The following ETF1 variants were observed in gnomAD, a reference collection of about 807,000 sequenced individuals.
The protein encoded by ETF1 is eukaryotic translation termination factor 1.
In ETF1, 4 loss-of-function variants were observed where a neutral mutation model predicts 55.1. The ratio of observed to expected loss-of-function variants is 0.07; its 90% CI spans 0.04 to 0.17. The LOEUF is 0.17. Ranked by LOEUF, ETF1 falls within the 10% of genes least tolerant of loss-of-function variation. The pLI, the probability that ETF1 is intolerant of heterozygous loss-of-function variation, is 1.00. For missense variants in ETF1, 142 were observed against 523.6 expected (o/e 0.27, Z 7.11); for synonymous variants, 157 against 182.3 (o/e 0.86, Z 1.12).
At chr5:138,513,052 G>T in intron 5 of ETF1, 98 bp from the exon 6 acceptor site, 1 of 1,401,876 alleles carries the variant, frequency 7.1e-7, no homozygotes. Flanking sequence ...TCTAAGAAAA[G>T]GACAAAGAAA....
chr5:138,508,902 A>G, intron 9 of ETF1, 86 bp from the exon 10 acceptor site: 1 of 1,527,566 alleles, frequency 6.5e-7, no homozygotes, highest in Admixed American at 2.0e-5. Context: ...TTGCCCACCT[A>G]TCACTCTCAT....
chr5:138,527,854 C>T (rs955222403), intron 2 of ETF1, among the ~76,000 whole-genome samples: 1 of 152,012 alleles, frequency 6.6e-6, no homozygotes, highest in South Asian at 2.1e-4. Flanking sequence ...CTCACTGCAA[C>T]CTCCGCCTCC....
chr5:138,533,804 C>T (rs2127122928), intron 2 of ETF1, among the ~76,000 whole-genome samples: 1 of 152,326 alleles, frequency 6.6e-6, no homozygotes, highest in South Asian at 2.1e-4. Context: ...AACCATCATA[C>T]TATATTAGGC....
chr5:138,515,096 T>C (rs1055546513), intron 4 of ETF1, among the ~76,000 whole-genome samples: 15 of 152,190 alleles, frequency 9.9e-5, no homozygotes, highest in African/African-American at 3.6e-4. Context: ...CAACTAAGAA[T>C]CCATCTTTAA....
At chr5:138,509,063 C>T in intron 9 of ETF1, 1 of 985,304 alleles carries the variant, frequency 1.0e-6, no homozygotes, top group Non-Finnish European at 1.2e-6. Flanking sequence ...AACACAAAAA[C>T]TCAGTGGGTA....
intron 2 of ETF1, among the ~76,000 whole-genome samples, chr5:138,527,056 C>G (rs1477408058): frequency 6.6e-6 from 1 of 152,104 alleles, no homozygotes; most frequent in Non-Finnish European, 1.5e-5. Flanking sequence ...TCGGGCTGGT[C>G]TGGAACTCCT....
intron 6 of ETF1, among the ~76,000 whole-genome samples, chr5:138,512,258 ATTTTTTT>A (rs58936942): frequency 0.047 from 937 of 19,868 alleles, 42 homozygotes; most frequent in Middle Eastern, 0.11. Context: ...ATATATATAT[ATTTTTTT>A]TTTTTTTTAA....
At chr5:138,527,815 C>T (rs1263365251) in intron 2 of ETF1, among the ~76,000 whole-genome samples, 1 of 151,966 alleles carries the variant, frequency 6.6e-6, no homozygotes, top group Non-Finnish European at 1.5e-5. Flanking sequence ...TTTTGTTCCC[C>T]AGGCAGGAGT....
Position 138,535,276 on chromosome 5 carries a change from A to C in ETF1, c.86+7557T>G, listed in dbSNP as rs568622777. Among the ~76,000 whole-genome samples, 141 of 152,102 alleles carry C rather than the reference A, an allele frequency of 9.3e-4. 1 individual carries two copies. The highest frequency in any genetic ancestry group is 3.3e-3 in the African/African-American group (137 of 41,536). ...ATGTTACCTTTTTTAAAGAAGAAGAAGAAAGCATTAGTTCCCCCATGAAGC... is the reference window on the plus strand; with the variant it reads ...ATGTTACCTTTTTTAAAGAAGAAGACGAAAGCATTAGTTCCCCCATGAAGC... On this transcript the variant is annotated intron_variant, in intron 2 of 10. Transcript: ENST00000360541.
intron 2 of ETF1, among the ~76,000 whole-genome samples, chr5:138,527,645 T>TCA (rs370575525): frequency 3.8e-4 from 58 of 152,260 alleles, no homozygotes; most frequent in African/African-American, 1.3e-3. Context: ...AGGGGTCCAC[T>TCA]CATGCACAGG....
intron 2 of ETF1, among the ~76,000 whole-genome samples, chr5:138,522,151 CAAAA>C (rs1281882459): frequency 6.6e-6 from 1 of 151,330 alleles, no homozygotes; most frequent in Non-Finnish European, 1.5e-5. Flanking sequence ...CTTTCATTCT[CAAAA>C]AAACCCAAAA....
chr5:138,508,947 C>G, intron 9 of ETF1, 131 bp from the exon 10 acceptor site: 1 of 1,447,676 alleles, frequency 6.9e-7, no homozygotes, highest in Non-Finnish European at 9.1e-7. Flanking sequence ...GTGTAAAGCT[C>G]TGTAAGTCAT....
intron 2 of ETF1, among the ~76,000 whole-genome samples, chr5:138,526,090 G>C (rs552235069): frequency 7.9e-5 from 12 of 152,104 alleles, no homozygotes; most frequent in Admixed American, 5.9e-4. Context: ...TAATATTGTA[G>C]TTAGACTGCC....
chr5:138,507,452 T>C lies in ETF1; in HGVS notation c.*853A>G, dbSNP rs1480810529. 6.6e-6 allele frequency: 1 copy of C among 152,626 alleles called. No homozygotes were observed. Among genetic ancestry groups the C allele is most frequent in the East Asian group, 1.9e-4 (1 of 5,202 alleles). The allele number at this position is 152,626 out of a possible 1,614,324, so 9.5% of individuals were successfully genotyped here. A position where few individuals can be genotyped will look rare whatever the true frequency, so the allele number is the denominator to read the frequency against. ...TTAAATTTCTTCGCTTCCACTTAAA[T>C]TGCATGTTTTATTTCTCCCAATCCC... On this transcript the variant is annotated 3_prime_UTR_variant, in exon 11 of 11. Transcript: ENST00000360541.
In ETF1 at chr5:138,543,200, T is replaced by C; in HGVS notation, c.-122A>G. The C allele has an allele frequency of 1.9e-6, 1 of 539,434 alleles. No homozygotes were observed. Among genetic ancestry groups the C allele is most frequent in the Non-Finnish European group, 3.3e-6 (1 of 304,592 alleles). The allele number at this position is 539,434 out of a possible 1,614,324, so 33.4% of individuals were successfully genotyped here. On this transcript the variant is annotated 5_prime_UTR_variant, in exon 1 of 11. Transcript: ENST00000360541. ...CACCGGCTCCCTCTCTCCAGGCAGC[T>C]GCATGTGTTGCAATCCGCTCACATG... is the stretch of plus-strand genomic sequence containing the variant.
At chr5:138,510,448 A>G (rs1489273157) in intron 9 of ETF1, 117 bp downstream of exon 9, 2 of 512,496 alleles carry the variant, frequency 3.9e-6, no homozygotes, top group Non-Finnish European at 7.3e-6. Context: ...CACCTCCCAC[A>G]GCACCCCCAA....
chr5:138,531,970 C>T (rs564901858), intron 2 of ETF1, among the ~76,000 whole-genome samples: 27 of 152,054 alleles, frequency 1.8e-4, no homozygotes, highest in Non-Finnish European at 3.5e-4. Context: ...TGGTGTGAAC[C>T]GGGAGGCGGA....
At chr5:138,527,255 G>C (rs1251853327) in intron 2 of ETF1, among the ~76,000 whole-genome samples, 2 of 151,266 alleles carry the variant, frequency 1.3e-5, no homozygotes, top group East Asian at 2.1e-4. Flanking sequence ...ATTCTGTTTG[G>C]GTGTCTACCT....
chr5:138,538,176 C>T (rs1397097819), intron 2 of ETF1, among the ~76,000 whole-genome samples: 1 of 148,818 alleles, frequency 6.7e-6, no homozygotes, highest in Non-Finnish European at 1.5e-5. Flanking sequence ...AGGCGTGAGC[C>T]ACCACGCCCG....
Sources: gnomAD v4.1 joint callset for allele counts (sites outside exome capture counted in the v4.1 genomes callset) on GRCh38, gnomAD v4.1.1 for gene constraint, MANE v1.5 for transcripts, NCBI Gene and HGNC (gene_info 2026-07-23, HGNC 2026-07-21) for gene names.